SLC24A1: variants seen among roughly 807,000 people sequenced by gnomAD.
SLC24A1 encodes the protein solute carrier family 24 member 1, also known as sodium/potassium/calcium exchanger 1.
Under a neutral mutation model 88.1 loss-of-function variants are expected in SLC24A1, and 52 were observed. That is an observed-to-expected ratio of 0.59 (90% CI 0.47 to 0.74). SLC24A1 has a LOEUF of 0.74. SLC24A1 is among the 30% of genes least tolerant of loss of function. The pLI is 0.00. For synonymous variants in SLC24A1, 455 were observed against 498.0 expected (o/e 0.91, Z 1.15); for missense variants, 1,173 against 1,363.3 (o/e 0.86, Z 2.20).
downstream of SLC24A1, chr15:65,659,387 G>A (rs986658326): frequency 3.3e-5 from 4 of 120,950 alleles, no homozygotes; most frequent in Non-Finnish European, 6.4e-5. Flanking sequence ...AGGCTAGAGT[G>A]CAATGGCATG....
At position 65,640,431 on chromosome 15, in the gene SLC24A1, C is replaced by A. The variant is rs73470074; in HGVS notation, c.2053+728C>A. Among the ~76,000 whole-genome samples, 1,309 of 152,272 alleles carry A rather than the reference C, an allele frequency of 8.6e-3. 21 individuals carry two copies. Among genetic ancestry groups the A allele is most frequent in the African/African-American group, 0.03 (1,260 of 41,558 alleles). ...GCTTCTCTTCCCCAGAGAGCTGCCC[C>A]CAACATGCATCTCAGACCCCTAAAG... On this transcript the variant is annotated intron_variant, in intron 4 of 9. Transcript: ENST00000261892.
intron 7 of SLC24A1, 81 bp downstream of exon 7, chr15:65,651,023 AGAG>A: frequency 8.5e-7 from 1 of 1,172,366 alleles, no homozygotes; most frequent in East Asian, 2.4e-5. Context: ...CTCACACTCA[AGAG>A]GAGGAAGAGG....
intron 4 of SLC24A1, chr15:65,644,129 C>G (rs1467495869): frequency 2.7e-6 from 1 of 371,364 alleles, no homozygotes; most frequent in East Asian, 5.3e-5. Context: ...ATTTCTTGGT[C>G]CTGAGTCCAA....
chr15:65,623,571 G>C (rs2074393161), intron 1 of SLC24A1, among the ~76,000 whole-genome samples: 1 of 152,178 alleles, frequency 6.6e-6, no homozygotes, highest in South Asian at 2.1e-4. Flanking sequence ...TCCTGCCTTT[G>C]ATAAGGTGAG....
At chr15:65,638,598 A>C (rs1192813849) in intron 3 of SLC24A1, among the ~76,000 whole-genome samples, 1 of 152,220 alleles carries the variant, frequency 6.6e-6, no homozygotes, top group Non-Finnish European at 1.5e-5. Context: ...TAGCAGGGGA[A>C]CTGGAGAGGA....
chr15:65,622,215 G>T (rs982377125), intron 1 of SLC24A1, 123 bp downstream of exon 1: 2 of 152,222 alleles, frequency 1.3e-5, no homozygotes, highest in African/African-American at 4.8e-5. Flanking sequence ...GAGTGGGCTT[G>T]CTGCAAAGTG....
chr15:65,644,457 G>A lies in SLC24A1; in HGVS notation c.2084G>A (p.Ser695Asn). 6.3e-7 allele frequency: 1 copy of A among 1,596,970 alleles called. No homozygotes were observed. The highest frequency in any genetic ancestry group is 8.5e-7 in the Non-Finnish European group (1 of 1,171,996). Residue 695 changes from serine to asparagine, a missense_variant, in exon 5 of 10, where the codon AGC becomes AAC. Coordinates refer to ENST00000261892, the MANE Select transcript of SLC24A1 (RefSeq NM_004727.3). ...CTTGCCAAGGAGAAGGAGGAGGAGA[G>A]CTTGAATCAAGGGGCCAGAGCCCAA... ...VRLAKEKEEE[S>N]LNQGARAQPQ...
upstream of SLC24A1, among the ~76,000 whole-genome samples, chr15:65,618,632 A>G (rs2074224238): frequency 6.6e-6 from 1 of 152,180 alleles, no homozygotes. Context: ...ACACATCTTC[A>G]CCGGTATCTT....
chr15:65,612,374 G>T (rs1443579816), intron 1 of SLC24A1: 2 of 152,332 alleles, frequency 1.3e-5, no homozygotes, highest in Non-Finnish European at 2.9e-5. Context: ...TAGGAGATGG[G>T]ACGAGGAAGG....
intron 3 of SLC24A1, among the ~76,000 whole-genome samples, chr15:65,638,452 G>T (rs1030109112): frequency 6.6e-6 from 1 of 152,162 alleles, no homozygotes; most frequent in African/African-American, 2.4e-5. Context: ...GTGACCTTGA[G>T]CTTCAGATTC....
At chr15:65,616,626 C>A (rs987973890) in intron 2 of SLC24A1, among the ~76,000 whole-genome samples, 9 of 152,186 alleles carry the variant, frequency 5.9e-5, no homozygotes, top group African/African-American at 2.2e-4. Context: ...TGGATATTAG[C>A]CCTTTGTCAG....
chr15:65,655,411 A>G lies in SLC24A1; in HGVS notation c.*1332A>G. 1.0e-6 allele frequency: 1 copy of G among 985,484 alleles called. No individual in the cohort carries two copies. Among genetic ancestry groups the G allele is most frequent in the South Asian group, 4.7e-5 (1 of 21,288 alleles). 61.0% of individuals were successfully genotyped at this position (985,484 alleles called of 1,614,324 possible). On this transcript the variant is annotated 3_prime_UTR_variant, in exon 10 of 10. Coordinates refer to ENST00000261892, the MANE Select transcript of SLC24A1 (RefSeq NM_004727.3). Reference sequence around the variant, plus strand: ...ATAACACAATGACAACATGGTGAGAAAAGTGCAGTACTACTTCCAAGGTAG... The same window carrying G: ...ATAACACAATGACAACATGGTGAGAGAAGTGCAGTACTACTTCCAAGGTAG...
chr15:65,624,259 T>C lies in SLC24A1; in HGVS notation c.179T>C (p.Ile60Thr). ...LWAAVSSHQP[I>T]KLASRDLSSE... ...GCAGCAGTCTCTTCTCATCAGCCTA[T>C]AAAACTGGCCAGTCGGGACCTCTCC... Residue 60 changes from isoleucine to threonine, a missense_variant, in exon 2 of 10, where the codon ATA becomes ACA. By Grantham distance (89) the Ile-to-Thr change is moderately conservative. Transcript: ENST00000261892. 6.2e-7 allele frequency: 1 copy of C among 1,613,830 alleles called. No individual in the cohort carries two copies. The highest frequency in any genetic ancestry group is 8.5e-7 in the Non-Finnish European group (1 of 1,179,842).
In SLC24A1 at chr15:65,655,639, T is replaced by C; in HGVS notation, c.*1560T>C. On this transcript the variant is annotated 3_prime_UTR_variant, in exon 10 of 10. Transcript: ENST00000261892. Reference sequence around the variant, plus strand: ...TGCAGATTATGATGGTAAATATGGCTTTAATTACAAACATGAGGAATGATT... The same window carrying C: ...TGCAGATTATGATGGTAAATATGGCCTTAATTACAAACATGAGGAATGATT... 10 of 985,392 alleles carry C rather than the reference T, an allele frequency of 1.0e-5. No homozygotes were observed. The highest frequency in any genetic ancestry group is 1.2e-5 in the Non-Finnish European group (10 of 829,912). 61.0% of individuals were successfully genotyped at this position (985,392 alleles called of 1,614,324 possible).
At chr15:65,644,722 C>T (rs532050733) in intron 5 of SLC24A1, among the ~76,000 whole-genome samples, 67 of 152,314 alleles carry the variant, frequency 4.4e-4, no homozygotes, top group African/African-American at 1.4e-3. Flanking sequence ...GTCTTTCTGA[C>T]ATGGCCGCTG....
rs755539821 is a variant in SLC24A1, at chr15:65,625,301, C to T, written c.1221C>T (p.Pro407=). Residue 407 remains proline (P), a synonymous_variant, in exon 2 of 10, where the codon CCC becomes CCT. Transcript: ENST00000261892. ...CAACCCCAGCCATGCTCACCACTCC[C>T]TCCCCAAGCCTCACAACAGCCCTGC... ...VKPTPAMLTT[P]SPSLTTALLP... 8 of 1,613,916 alleles carry T rather than the reference C, an allele frequency of 5.0e-6. No homozygotes were observed. The highest frequency in any genetic ancestry group is 1.3e-5 in the African/African-American group (1 of 74,922).
At chr15:65,653,716 C>T in intron 9 of SLC24A1, 114 bp from the exon 10 acceptor site, 1 of 1,076,640 alleles carries the variant, frequency 9.3e-7, no homozygotes, top group Non-Finnish European at 1.4e-6. Flanking sequence ...TTTCTGTTCA[C>T]TTCATAGATA....
chr15:65,650,997 C>T lies in SLC24A1; in HGVS notation c.2793+55C>T, dbSNP rs1183050201. 6.8e-7 allele frequency: 1 copy of T among 1,470,656 alleles called. No homozygotes were observed. Among genetic ancestry groups the T allele is most frequent in the Non-Finnish European group, 9.5e-7 (1 of 1,049,642 alleles). The allele number at this position is 1,470,656 out of a possible 1,614,324, so 91.1% of individuals were successfully genotyped here. ...TTTATCCCCAGCAGGGCTGTGGGGT[C>T]TCTCGGCATGCGGGGCTCACACTCA... is the stretch of plus-strand genomic sequence containing the variant. On this transcript the variant is annotated intron_variant, in intron 7 of 9. Transcript: ENST00000261892. The surrounding 1 kb of genome is among the most constrained non-coding windows in gnomAD (Gnocchi z 4.1).
At chr15:65,649,801 A>G (rs953536655) in intron 6 of SLC24A1, among the ~76,000 whole-genome samples, 5 of 152,234 alleles carry the variant, frequency 3.3e-5, no homozygotes, top group African/African-American at 4.8e-5. Context: ...CATTGTGACC[A>G]CCAAAGGATG....
Sources: allele counts gnomAD v4.1 joint callset (sites outside exome capture counted in the v4.1 genomes callset), GRCh38; gene constraint gnomAD v4.1.1; non-coding constraint Gnocchi (gnomAD v3.1); transcripts MANE v1.5; gene names NCBI Gene and HGNC (gene_info 2026-07-23, HGNC 2026-07-21).